KPNA4: variants seen among roughly 807,000 people sequenced by gnomAD.
KPNA4 encodes the protein importin subunit alpha-3.
A neutral mutation model predicts 71.3 loss-of-function variants in KPNA4; 13 were observed. The observed-to-expected ratio is 0.18, with a 90% CI of 0.12 to 0.29. The LOEUF is 0.29. KPNA4 is among the 10% of genes least tolerant of loss of function. The probability of loss-of-function intolerance (pLI) is 1.00; values close to 1 mark genes in which losing one functional copy is unlikely to be tolerated. For missense variants in KPNA4, 334 were observed against 603.2 expected (o/e 0.55, Z 4.67); for synonymous variants, 189 against 195.2 (o/e 0.97, Z 0.26).
At chr3:160,558,573 T>C (rs969029782) in intron 1 of KPNA4, among the ~76,000 whole-genome samples, 20 of 152,170 alleles carry the variant, frequency 1.3e-4, no homozygotes, top group Admixed American at 1.2e-3. Flanking sequence ...TTAACCCCTA[T>C]ACTATAAGGT....
intron 1 of KPNA4, among the ~76,000 whole-genome samples, chr3:160,543,170 C>T (rs1178706950): frequency 6.6e-6 from 1 of 152,114 alleles, no homozygotes; most frequent in East Asian, 1.9e-4. Flanking sequence ...TACATCTCCT[C>T]CCAGGATGAT....
At chr3:160,558,820 G>C (rs1023208016) in intron 1 of KPNA4, among the ~76,000 whole-genome samples, 4 of 152,252 alleles carry the variant, frequency 2.6e-5, no homozygotes, top group Admixed American at 2.6e-4. Flanking sequence ...TGGTGCTTTA[G>C]AATGAATTAA....
intron 14 of KPNA4, among the ~76,000 whole-genome samples, chr3:160,509,499 T>C (rs1241071283): frequency 6.6e-6 from 1 of 152,202 alleles, no homozygotes; most frequent in African/African-American, 2.4e-5. Flanking sequence ...AAAGAACACT[T>C]CTATGAAGTA....
chr3:160,557,851 T>G (rs1420980568), intron 1 of KPNA4, among the ~76,000 whole-genome samples: 2 of 151,998 alleles, frequency 1.3e-5, no homozygotes, highest in African/African-American at 4.8e-5. Flanking sequence ...AATTTTTTAT[T>G]TTTATTTTTT....
chr3:160,543,353 T>C (rs1721844746), intron 1 of KPNA4, among the ~76,000 whole-genome samples: 1 of 151,970 alleles, frequency 6.6e-6, no homozygotes, highest in African/African-American at 2.4e-5. Flanking sequence ...ATCATTTTTT[T>C]CCCCCGAGAC....
At chr3:160,540,507 C>T (rs796853847) in intron 1 of KPNA4, among the ~76,000 whole-genome samples, 27 of 152,268 alleles carry the variant, frequency 1.8e-4, no homozygotes, top group African/African-American at 6.3e-4. Flanking sequence ...TTCTTTTCCT[C>T]TCCAAGGTAG....
chr3:160,527,294 A>C (rs1721478025), intron 8 of KPNA4, among the ~76,000 whole-genome samples: 1 of 152,146 alleles, frequency 6.6e-6, no homozygotes. Context: ...TTTAGGCTCT[A>C]GTTAAAAAAA....
chr3:160,525,986 G>A lies in KPNA4; in HGVS notation c.678C>T (p.Asn226=), dbSNP rs143050112. The change falls in exon 9 of 17, where the codon AAC becomes AAT. Residue 226 remains asparagine, a synonymous_variant. Coordinates refer to ENST00000334256, the MANE Select transcript of KPNA4 (RefSeq NM_002268.5). ...GTGGTGGGTCTTTGTGGCGACATAA[G>A]TTGACCATAACCCAAGTAACATTTC... The part of the protein sequence containing the change: ...FLRNVTWVMV[N]LCRHKDPPPP... 3.8e-4 allele frequency: 606 copies of A among 1,596,924 alleles called. No individual in the cohort carries two copies. The highest frequency in any genetic ancestry group is 4.8e-4 in the Non-Finnish European group (564 of 1,172,876).
At chr3:160,546,474 C>G (rs982658424) in intron 1 of KPNA4, among the ~76,000 whole-genome samples, 5 of 152,048 alleles carry the variant, frequency 3.3e-5, no homozygotes, top group Non-Finnish European at 7.4e-5. Context: ...GCCGAGATCG[C>G]AACACTGCAC....
intron 1 of KPNA4, among the ~76,000 whole-genome samples, chr3:160,561,253 T>C (rs1008940776): frequency 2.0e-5 from 3 of 152,060 alleles, no homozygotes; most frequent in African/African-American, 4.8e-5. Context: ...AGTATGCAGG[T>C]TTATTAGGAA....
rs1413441517 is a variant in KPNA4, at chr3:160,500,683, A to T, written c.*1421T>A. On this transcript the variant is annotated 3_prime_UTR_variant, in exon 17 of 17. Transcript: ENST00000334256. ...TAAAGTGGCTCAAAATAGATTGTTC[A>T]TGGCTGCCTACATCTAAGATAAAAA... is the stretch of plus-strand genomic sequence containing the variant. 6.6e-6 allele frequency: 1 copy of T among 152,652 alleles called. No homozygotes were observed. The highest frequency in any genetic ancestry group is 1.5e-5 in the Non-Finnish European group (1 of 68,036). 9.5% of individuals were successfully genotyped at this position (152,652 alleles called of 1,614,324 possible). A position where few individuals can be genotyped will look rare whatever the true frequency, so the allele number is the denominator to read the frequency against.
chr3:160,509,221 G>C (rs950459429), intron 14 of KPNA4, among the ~76,000 whole-genome samples: 10 of 152,130 alleles, frequency 6.6e-5, no homozygotes, highest in Non-Finnish European at 1.5e-4. Context: ...CCTCACCCTA[G>C]TTCCTAAGTC....
At chr3:160,553,294 T>C (rs914840501) in intron 1 of KPNA4, among the ~76,000 whole-genome samples, 6 of 152,014 alleles carry the variant, frequency 3.9e-5, no homozygotes, top group Non-Finnish European at 7.4e-5. Context: ...GTAGTGGGAG[T>C]TGGGAAGAAA....
chr3:160,508,360 C>G, intron 14 of KPNA4, 91 bp from the exon 15 acceptor site: 1 of 935,236 alleles, frequency 1.1e-6, no homozygotes, highest in Non-Finnish European at 1.6e-6. Context: ...TTTGAAATTT[C>G]GAGTATAGAA....
intron 1 of KPNA4, among the ~76,000 whole-genome samples, chr3:160,539,170 TTC>T (rs140222269): frequency 2.1e-4 from 32 of 150,312 alleles, no homozygotes; most frequent in Non-Finnish European, 2.1e-4. Context: ...TTTGGGTACT[TTC>T]TCTCTCTCTC....
chr3:160,549,895 T>C (rs144483887), intron 1 of KPNA4, among the ~76,000 whole-genome samples: 1 of 152,382 alleles, frequency 6.6e-6, no homozygotes, highest in Admixed American at 6.5e-5. Context: ...CATTGGATTG[T>C]TTTCCATTTG....
At chr3:160,515,333 C>T (rs1721188379) in intron 12 of KPNA4, 119 bp downstream of exon 12, 2 of 988,194 alleles carry the variant, frequency 2.0e-6, no homozygotes, top group Admixed American at 2.7e-5. Flanking sequence ...CTCTTGATGT[C>T]TAAATGACAG....
rs772735397 is a variant in KPNA4, at chr3:160,498,992, ACT to A, written c.*3110_*3111del. The A allele has an allele frequency of 2.2e-4, 34 of 152,254 alleles. No homozygotes were observed. The highest frequency in any genetic ancestry group is 3.2e-3 in the Middle Eastern group (1 of 316). The allele number at this position is 152,254 out of a possible 1,614,324, so 9.4% of individuals were successfully genotyped here. On this transcript the variant is annotated 3_prime_UTR_variant, in exon 17 of 17. Transcript: ENST00000334256. ...TCCAAAAAGGGTGCCCCCATAAATT[ACT>A]GTTACAATAAACCCAGTCATTTTAC... is the stretch of plus-strand genomic sequence containing the variant.
intron 1 of KPNA4, among the ~76,000 whole-genome samples, chr3:160,546,545 T>C (rs761185680): frequency 6.6e-6 from 1 of 152,094 alleles, no homozygotes; most frequent in East Asian, 1.9e-4. Context: ...TGTGAGAATA[T>C]GGAACCAAGT....
Sources: gnomAD v4.1 joint callset for allele counts (sites outside exome capture counted in the v4.1 genomes callset) on GRCh38, gnomAD v4.1.1 for gene constraint, MANE v1.5 for transcripts, NCBI Gene and HGNC (gene_info 2026-07-23, HGNC 2026-07-21) for gene names.